AP3D1: variants seen among roughly 807,000 people sequenced by gnomAD.
AP3D1 encodes AP-3 complex subunit delta-1.
AP3D1 carries 51 observed loss-of-function variants against 147.6 expected under a neutral mutation model. The observed-to-expected ratio is 0.35, with a 90% CI of 0.28 to 0.44. The LOEUF (loss-of-function observed/expected upper bound fraction) is 0.44. Among genes scored for constraint, AP3D1 ranks in the 20% least tolerant of loss-of-function variants. The probability of loss-of-function intolerance (pLI) is 1.00; values close to 1 mark genes in which losing one functional copy is unlikely to be tolerated. For missense variants in AP3D1, 1,421 were observed against 1,624.2 expected, an observed-to-expected ratio of 0.87 and a Z score of 2.15; for synonymous variants, 760 against 663.0, an observed-to-expected ratio of 1.15 and a Z score of -2.25.
intron 31 of AP3D1, among the ~76,000 whole-genome samples, chr19:2,103,178 C>G (rs1490521416): frequency 6.6e-6 from 1 of 152,014 alleles, no homozygotes; most frequent in Non-Finnish European, 1.5e-5. Context: ...TGCCTCGCAG[C>G]TGTATGTGTT....
chr19:2,154,019 C>T (rs1021273976), upstream of AP3D1, among the ~76,000 whole-genome samples: 11 of 150,890 alleles, frequency 7.3e-5, no homozygotes, highest in Non-Finnish European at 1.5e-4. Context: ...GCGATCTCAG[C>T]TCACTGCAAC....
chr19:2,114,417 GC>G, intron 21 of AP3D1, 115 bp from the exon 22 acceptor site: 2 of 891,112 alleles, frequency 2.2e-6, no homozygotes, highest in Non-Finnish European at 1.7e-6. Context: ...CCAGCCCCTG[GC>G]CCCAGCCATG....
rs763010644 is a variant in AP3D1, at chr19:2,130,395, C to CA, written c.592+12dup. On this transcript the variant is annotated intron_variant, in intron 6 of 31. Coordinates refer to ENST00000643116, the MANE Select transcript of AP3D1 (RefSeq NM_001261826.3). ...CCACCCTCAACCCTGAGGCTTAACT[C>CA]AAATCCACAAACCGGGGTCGGGGTC... 4.6e-4 allele frequency: 746 copies of CA among 1,613,666 alleles called. No homozygotes were observed. The highest frequency in any genetic ancestry group is 6.1e-4 in the Non-Finnish European group (725 of 1,179,954).
In AP3D1 at chr19:2,102,284, A is replaced by C. The variant is rs772894971; in HGVS notation, c.3553-16T>G. ...AGTTCTCACCCTGTGTAAGGAAAAA[A>C]GATGGATATTTTAAAAGTGTGTGCA... On this transcript the variant is annotated splice_polypyrimidine_tract_variant and intron_variant, in intron 31 of 31. Coordinates refer to ENST00000643116, the MANE Select transcript of AP3D1 (RefSeq NM_001261826.3). 1.9e-6 allele frequency: 3 copies of C among 1,603,392 alleles called. No individual in the cohort carries two copies. The highest frequency in any genetic ancestry group is 1.7e-6 in the Non-Finnish European group (2 of 1,170,666).
rs2017968590 is a variant in AP3D1, at chr19:2,102,051, T to C, written c.*122A>G. On this transcript the variant is annotated 3_prime_UTR_variant, in exon 32 of 32. Transcript: ENST00000643116. ...TCGGATGTCTACACGGCGGACAACATAGAGTTAAATTAACACTCAGGCTTG... is the reference window on the plus strand; with the variant it reads ...TCGGATGTCTACACGGCGGACAACACAGAGTTAAATTAACACTCAGGCTTG... 9.7e-6 allele frequency: 7 copies of C among 724,800 alleles called. No homozygotes were observed. Among genetic ancestry groups the C allele is most frequent in the Non-Finnish European group, 1.6e-5 (7 of 426,882 alleles). The allele number at this position is 724,800 out of a possible 1,614,324, so 44.9% of individuals were successfully genotyped here.
chr19:2,152,733 G>A (rs1000532276), upstream of AP3D1, among the ~76,000 whole-genome samples: 4 of 150,114 alleles, frequency 2.7e-5, no homozygotes, highest in African/African-American at 9.8e-5. Context: ...AAAATTAGCC[G>A]GGCGTGGTGG....
chr19:2,137,040 T>C lies in AP3D1; in HGVS notation c.325A>G (p.Ile109Val), dbSNP rs1477102718. The change falls in exon 4 of 32, where the codon ATC becomes GTC. Residue 109 changes from isoleucine (I) to valine (V), a missense_variant. By Grantham distance (29) the Ile-to-Val change is conservative. This residue lies in a region of AP3D1 where 292 missense variants were observed against 412.0 expected (regional missense o/e 0.71). Coordinates refer to ENST00000643116, the MANE Select transcript of AP3D1 (RefSeq NM_001261826.3). ...CGGATCTGATTGGTGGTCAGCATGATGACGTCGGTGCCTTCGTGAAAGCTC... is the reference window on the plus strand; with the variant it reads ...CGGATCTGATTGGTGGTCAGCATGACGACGTCGGTGCCTTCGTGAAAGCTC... ...SQSFHEGTDV[I>V]MLTTNQIRKD... 11 of 1,595,588 alleles carry C rather than the reference T, an allele frequency of 6.9e-6. No individual in the cohort carries two copies. The highest frequency in any genetic ancestry group is 9.4e-6 in the Non-Finnish European group (11 of 1,171,312).
intron 3 of AP3D1, among the ~76,000 whole-genome samples, chr19:2,137,472 C>T (rs1279527658): frequency 1.3e-5 from 2 of 152,058 alleles, no homozygotes; most frequent in African/African-American, 2.4e-5. Context: ...TGCGCCACCA[C>T]GCCCCACTAA....
rs1320660281 is a variant in AP3D1 at position 2,164,282 on chromosome 19, A to C, written c.-103+74T>G. 3.2e-6 allele frequency: 4 copies of C among 1,248,752 alleles called. No homozygotes were observed. The East Asian group carries it at 1.3e-4, about 39-fold the overall frequency. 77.4% of individuals were successfully genotyped at this position (1,248,752 alleles called of 1,614,324 possible). On this transcript the variant is annotated intron_variant, in intron 1 of 14. Coordinates refer to the AP3D1 transcript ENST00000643010. ...CCGGTCTACGTGAGTGCCGCCCTCCACCGTCCCTACCTCCCGGCCTCCCCT... is the reference window on the plus strand; with the variant it reads ...CCGGTCTACGTGAGTGCCGCCCTCCCCCGTCCCTACCTCCCGGCCTCCCCT...
At chr19:2,124,023 A>G in intron 9 of AP3D1, 144 bp from the exon 10 acceptor site, 1 of 956,734 alleles carries the variant, frequency 1.0e-6, no homozygotes, top group East Asian at 2.6e-5. Context: ...GGGACCACGC[A>G]GCCCAACTGT....
intron 31 of AP3D1, among the ~76,000 whole-genome samples, chr19:2,107,274 A>G (rs1360784341): frequency 6.7e-6 from 1 of 150,186 alleles, no homozygotes; most frequent in Non-Finnish European, 1.5e-5. Context: ...AAAAAAAAAC[A>G]AAGCAAGGGT....
At chr19:2,147,912 C>A (rs978803500) in intron 1 of AP3D1, among the ~76,000 whole-genome samples, 1 of 150,568 alleles carries the variant, frequency 6.6e-6, no homozygotes, top group Non-Finnish European at 1.5e-5. Context: ...AGGCTGGGCA[C>A]CGTGGCTCAC....
intron 4 of AP3D1, among the ~76,000 whole-genome samples, chr19:2,134,162 C>T (rs763222207): frequency 6.6e-6 from 1 of 152,014 alleles, no homozygotes; most frequent in Non-Finnish European, 1.5e-5. Context: ...ACTTCTAATC[C>T]TACCACTTTG....
intron 4 of AP3D1, among the ~76,000 whole-genome samples, chr19:2,134,971 G>A (rs747051141): frequency 6.6e-6 from 1 of 151,992 alleles, no homozygotes; most frequent in Non-Finnish European, 1.5e-5. Flanking sequence ...GGCTGAGGTG[G>A]GCAGATCACC....
intron 15 of AP3D1, 50 bp from the exon 16 acceptor site, chr19:2,117,417 G>A (rs1211601790): frequency 7.9e-6 from 12 of 1,514,376 alleles, no homozygotes; most frequent in Middle Eastern, 1.8e-4. Flanking sequence ...AAGGCCACTC[G>A]GCCACCTTCA....
intron 31 of AP3D1, among the ~76,000 whole-genome samples, chr19:2,107,911 C>T (rs925749454): frequency 6.6e-6 from 1 of 152,090 alleles, no homozygotes; most frequent in African/African-American, 2.4e-5. Flanking sequence ...TGATTCCTTG[C>T]GCTAATTCTT....
intron 18 of AP3D1, 61 bp from the exon 19 acceptor site, chr19:2,115,674 G>T: frequency 6.5e-7 from 1 of 1,542,000 alleles, no homozygotes; most frequent in Non-Finnish European, 8.9e-7. Context: ...TGCAAGACAA[G>T]CCTCGGGGAT....
intron 9 of AP3D1, 98 bp downstream of exon 9, chr19:2,127,054 G>T: frequency 7.6e-7 from 1 of 1,317,218 alleles, no homozygotes; most frequent in Admixed American, 1.7e-5. Context: ...AGCAGGGGTG[G>T]CGCTCGGAGA....
At chr19:2,132,447 T>C (rs373072573) in intron 5 of AP3D1, 24 bp downstream of exon 5, 1,089 of 1,572,808 alleles carry the variant, frequency 6.9e-4, no homozygotes, top group Non-Finnish European at 9.1e-4. Context: ...CATGCAGGGG[T>C]GGTGGGCAGG....
Sources: gnomAD v4.1 joint callset for allele counts (sites outside exome capture counted in the v4.1 genomes callset) on GRCh38, gnomAD v4.1.1 for gene constraint, gnomAD v4.1.1 regional missense constraint, MANE v1.5 for transcripts, NCBI Gene and HGNC (gene_info 2026-07-23, HGNC 2026-07-21) for gene names.